RBMS3: variants seen among roughly 807,000 people sequenced by gnomAD.
RBMS3 encodes the protein RNA binding motif single stranded interacting protein 3, also known as RNA-binding motif, single-stranded-interacting protein 3.
Under a neutral mutation model 66.8 loss-of-function variants are expected in RBMS3, and 27 were observed. That is an observed-to-expected ratio of 0.40 (90% CI 0.30 to 0.56). The LOEUF is 0.56. Among genes scored for constraint, RBMS3 ranks in the 20% least tolerant of loss-of-function variants. The pLI, the probability that RBMS3 is intolerant of heterozygous loss-of-function variation, is 0.40. For missense variants in RBMS3, 513 were observed against 549.5 expected (o/e 0.93, Z 0.66); for synonymous variants, 188 against 183.0 (o/e 1.03, Z -0.22).
intron 8 of RBMS3, among the ~76,000 whole-genome samples, chr3:29,896,471 C>T (rs1164890837): frequency 4.0e-5 from 6 of 151,580 alleles, no homozygotes; most frequent in South Asian, 2.1e-4. Flanking sequence ...ATCCTCACAT[C>T]GCTGACATAC....
intron 4 of RBMS3, among the ~76,000 whole-genome samples, chr3:29,718,505 T>C (rs2053502760): frequency 6.6e-6 from 1 of 152,090 alleles, no homozygotes; most frequent in African/African-American, 2.4e-5. Context: ...TGGAGCTCAA[T>C]TCTGCTGGAA....
intron 5 of RBMS3, among the ~76,000 whole-genome samples, chr3:29,762,159 G>A (rs779390123): frequency 3.9e-5 from 6 of 151,992 alleles, no homozygotes; most frequent in Non-Finnish European, 4.4e-5. Flanking sequence ...TACCAGTTTA[G>A]GAATATTGAT....
rs558228169 is a variant in RBMS3, at chr3:29,326,492, A to T, written c.75+44736A>T. On this transcript the variant is annotated intron_variant, in intron 1 of 14. Coordinates refer to ENST00000383767, the MANE Select transcript of RBMS3 (RefSeq NM_001003793.3). ...ACTATCCACAATTAATCTCTTGCTT[A>T]TTTATGTTTCCATGGTCCTATGTAA... is the stretch of plus-strand genomic sequence containing the variant. 2.6e-5 allele frequency among the ~76,000 whole-genome samples: 4 copies of T among 152,170 alleles called. No homozygotes were observed. The East Asian group carries it at 7.7e-4, about 29-fold the overall frequency.
chr3:29,987,584 T>C (rs146115380), intron 12 of RBMS3, among the ~76,000 whole-genome samples: 191 of 152,300 alleles, frequency 1.3e-3, no homozygotes, highest in African/African-American at 4.4e-3. Context: ...ATATTATCTG[T>C]AATACTCCAT....
intron 1 of RBMS3, among the ~76,000 whole-genome samples, chr3:29,359,346 C>T (rs1196467878): frequency 6.6e-6 from 1 of 152,078 alleles, no homozygotes; most frequent in African/African-American, 2.4e-5. Context: ...TGCTGGATTA[C>T]GTTTATTGAT....
At chr3:29,702,177 C>T (rs1268100655) in intron 4 of RBMS3, among the ~76,000 whole-genome samples, 4 of 151,668 alleles carry the variant, frequency 2.6e-5, no homozygotes, top group African/African-American at 9.7e-5. Flanking sequence ...TCTAGTGGGA[C>T]TTGGAGAACC....
At chr3:29,884,323 A>T in intron 8 of RBMS3, 115 bp downstream of exon 8, 1 of 953,352 alleles carries the variant, frequency 1.0e-6, no homozygotes, top group South Asian at 1.6e-5. Flanking sequence ...CTTAAACACA[A>T]AGTTTAAACC....
chr3:29,683,547 C>A (rs934872698), intron 4 of RBMS3, among the ~76,000 whole-genome samples: 1 of 152,244 alleles, frequency 6.6e-6, no homozygotes. Flanking sequence ...TGGCTTTCTA[C>A]CCAGTCTCAT....
At chr3:29,894,449 C>A (rs1379247600) in intron 8 of RBMS3, among the ~76,000 whole-genome samples, 1 of 151,290 alleles carries the variant, frequency 6.6e-6, no homozygotes, top group Admixed American at 6.6e-5. Flanking sequence ...ACTCCTGGGG[C>A]TACCATCTTG....
At chr3:29,939,062 A>G (rs1288556290) in intron 11 of RBMS3, among the ~76,000 whole-genome samples, 1 of 151,952 alleles carries the variant, frequency 6.6e-6, no homozygotes, top group African/African-American at 2.4e-5. Context: ...AACACACAGT[A>G]AAATCCATGG....
At chr3:29,584,770 T>G (rs909397171) in intron 3 of RBMS3, among the ~76,000 whole-genome samples, 24 of 152,100 alleles carry the variant, frequency 1.6e-4, no homozygotes, top group Admixed American at 1.4e-3. Flanking sequence ...AAAATATAAC[T>G]CAAAGCATCC....
chr3:29,323,726 A>ACACACCCC (rs71091051), intron 1 of RBMS3, among the ~76,000 whole-genome samples: 1 of 140,604 alleles, frequency 7.1e-6, no homozygotes, highest in Admixed American at 7.0e-5. Flanking sequence ...ACACACACAC[A>ACACACCCC]CCCCTTGGAC....
chr3:29,880,690 C>A (rs2059715932), intron 7 of RBMS3: 4 of 1,231,158 alleles, frequency 3.2e-6, no homozygotes, highest in Non-Finnish European at 4.6e-6. Context: ...TTCAAACAAC[C>A]CTTTGCTTAA....
intron 4 of RBMS3, among the ~76,000 whole-genome samples, chr3:29,648,853 C>T (rs1265417221): frequency 1.3e-5 from 2 of 152,164 alleles, no homozygotes; most frequent in Non-Finnish European, 2.9e-5. Flanking sequence ...TCATTCTCTT[C>T]ATTTTCAAAG....
At chr3:29,392,424 CTT>C (rs2039343672) in intron 1 of RBMS3, among the ~76,000 whole-genome samples, 1 of 152,064 alleles carries the variant, frequency 6.6e-6, no homozygotes, top group Non-Finnish European at 1.5e-5. Context: ...TGAGAGTAGA[CTT>C]TCTTTTTTTC....
chr3:29,814,997 G>T (rs542982098), intron 6 of RBMS3, among the ~76,000 whole-genome samples: 35 of 152,120 alleles, frequency 2.3e-4, no homozygotes, highest in Non-Finnish European at 4.3e-4. Flanking sequence ...AGGAACTGAT[G>T]TTTGGAAAAA....
chr3:29,687,361 C>A (rs1385813310), intron 4 of RBMS3, among the ~76,000 whole-genome samples: 2 of 152,164 alleles, frequency 1.3e-5, no homozygotes, highest in African/African-American at 4.8e-5. Flanking sequence ...ACAATAGAAT[C>A]CTCAAAGAAT....
chr3:29,532,473 A>G (rs2045403254), intron 3 of RBMS3, among the ~76,000 whole-genome samples: 1 of 151,770 alleles, frequency 6.6e-6, no homozygotes, highest in South Asian at 2.1e-4. Context: ...ATGGTTCTTT[A>G]TAAAATTTTG....
At position 29,323,719 on chromosome 3, in the gene RBMS3, CA is replaced by C. The variant is rs1321157472; in HGVS notation, c.75+41964del. On this transcript the variant is annotated intron_variant, in intron 1 of 14. Transcript: ENST00000383767. ...ACACACACACACACACACACACACACACACACACCCCTTGGACTGAATTCTA... is the reference window on the plus strand; with the variant it reads ...ACACACACACACACACACACACACACCACACACCCCTTGGACTGAATTCTA... Among the ~76,000 whole-genome samples, 489 of 150,806 alleles carry C rather than the reference CA, an allele frequency of 3.2e-3. 3 individuals carry two copies. Among genetic ancestry groups the C allele is most frequent in the Non-Finnish European group, 4.3e-3 (290 of 67,610 alleles).
Sources: gnomAD v4.1 joint callset for allele counts (sites outside exome capture counted in the v4.1 genomes callset) on GRCh38, gnomAD v4.1.1 for gene constraint, MANE v1.5 for transcripts, NCBI Gene and HGNC (gene_info 2026-07-23, HGNC 2026-07-21) for gene names.